The following ARID5B variants were observed in gnomAD, a reference collection of about 807,000 sequenced individuals.
The protein encoded by ARID5B is AT-rich interactive domain-containing protein 5B.
A neutral mutation model predicts 97.2 loss-of-function variants in ARID5B; 13 were observed. The observed-to-expected ratio is 0.13, with a 90% CI of 0.09 to 0.21. The LOEUF (loss-of-function observed/expected upper bound fraction) is 0.21. ARID5B is among the 10% of genes least tolerant of loss of function. The pLI is 1.00. For missense variants in ARID5B, 1,210 were observed against 1,465.3 expected (o/e 0.83, Z 2.84); for synonymous variants, 556 against 570.3 (o/e 0.97, Z 0.36).
At chr10:61,979,765 C>T (rs141341747) in intron 3 of ARID5B, among the ~76,000 whole-genome samples, 10 of 152,228 alleles carry the variant, frequency 6.6e-5, no homozygotes, top group East Asian at 3.9e-4. Context: ...CCTTTTAAAA[C>T]GAGAAGAAAA....
chr10:61,912,377 G>C (rs1336022376), intron 2 of ARID5B, among the ~76,000 whole-genome samples: 1 of 151,256 alleles, frequency 6.6e-6, no homozygotes, highest in African/African-American at 2.5e-5. Flanking sequence ...ATAGTTAATA[G>C]TACTGTATTG....
At chr10:61,988,936 C>CT (rs61016394) in intron 3 of ARID5B, among the ~76,000 whole-genome samples, 48,143 of 121,934 alleles carry the variant, frequency 0.39, 10,530 homozygotes, top group South Asian at 0.56. Context: ...TTTTCTTTTA[C>CT]TTTTTTTTTT....
chr10:61,923,820 T>C (rs924884288), intron 2 of ARID5B, among the ~76,000 whole-genome samples: 2 of 152,344 alleles, frequency 1.3e-5, no homozygotes, highest in Non-Finnish European at 2.9e-5. Context: ...CCATGTCTTA[T>C]CCATCCTTAT....
intron 4 of ARID5B, among the ~76,000 whole-genome samples, chr10:62,019,570 G>A (rs1280981478): frequency 6.6e-6 from 1 of 152,148 alleles, no homozygotes; most frequent in Admixed American, 6.5e-5. Flanking sequence ...TTAGGCCGCC[G>A]GAGATATTAT....
Position 62,092,416 on chromosome 10 carries a change from A to C in ARID5B, c.2953A>C (p.Asn985His), listed in dbSNP as rs775841261. ...SGKPHHVRLE[N>H]FRKMEGMVHP... ...AAAACCTCACCATGTGAGACTGGAG[A>C]ATTTCAGGAAGATGGAAGGCATGGT... Residue 985 changes from asparagine (N) to histidine (H), a missense_variant, in exon 10 of 10, where the codon AAT (asparagine) becomes CAT (histidine). Coordinates refer to ENST00000279873, the MANE Select transcript of ARID5B (RefSeq NM_032199.3). 9.9e-6 allele frequency: 16 copies of C among 1,614,048 alleles called. No homozygotes were observed. The highest frequency in any genetic ancestry group is 4.0e-5 in the African/African-American group (3 of 74,912).
chr10:61,964,117 A>G (rs1838511657), intron 3 of ARID5B, among the ~76,000 whole-genome samples: 1 of 152,178 alleles, frequency 6.6e-6, no homozygotes, highest in African/African-American at 2.4e-5. Flanking sequence ...AACTGTAGGG[A>G]ATAGGCAGGC....
chr10:61,925,525 T>C (rs1844088911), intron 2 of ARID5B, among the ~76,000 whole-genome samples: 1 of 152,166 alleles, frequency 6.6e-6, no homozygotes, highest in African/African-American at 2.4e-5. Flanking sequence ...CTAACACTGA[T>C]ATAAGTAAAG....
intron 2 of ARID5B, among the ~76,000 whole-genome samples, chr10:61,904,141 A>T (rs1843670121): frequency 7.1e-6 from 1 of 141,392 alleles, no homozygotes; most frequent in African/African-American, 2.7e-5. Flanking sequence ...CAAATTTATT[A>T]CTTCAACATG....
Position 62,000,301 on chromosome 10 carries a change from A to G in ARID5B, c.713A>G (p.Glu238Gly). The change falls in exon 4 of 10, where the codon GAG becomes GGG. Residue 238 changes from glutamate (E) to glycine (G), a missense_variant. By Grantham distance (98) the Glu-to-Gly change is moderately conservative. Transcript: ENST00000279873. This position sits in a 1 kb window ranked among gnomAD's most constrained non-coding sequence, Gnocchi z 4.4. ...TFDHPTLIEN[E>G]SICDEFAPNL... is the part of the protein sequence containing the mutation. The stretch of plus-strand genomic sequence containing the variant: ...GACCACCCGACTCTCATAGAAAACG[A>G]GAGTATATGCGATGAGTTTGGTGAG... 2 of 1,610,754 alleles carry G rather than the reference A, an allele frequency of 1.2e-6. No individual in the cohort carries two copies. The highest frequency in any genetic ancestry group is 2.2e-5 in the South Asian group (2 of 90,732).
intron 3 of ARID5B, among the ~76,000 whole-genome samples, chr10:61,996,604 T>C (rs1839000059): frequency 6.6e-6 from 1 of 152,202 alleles, no homozygotes; most frequent in South Asian, 2.1e-4. Context: ...ATAAGGTTGT[T>C]GTGAGGAACA....
intron 3 of ARID5B, among the ~76,000 whole-genome samples, chr10:61,958,255 T>C (rs2132818813): frequency 6.6e-6 from 1 of 152,300 alleles, no homozygotes; most frequent in East Asian, 1.9e-4. Flanking sequence ...TTTTTCTTTC[T>C]TTCTTTCTTT....
intron 4 of ARID5B, among the ~76,000 whole-genome samples, chr10:62,002,959 T>C (rs1447762145): frequency 6.6e-6 from 1 of 152,174 alleles, no homozygotes; most frequent in Non-Finnish European, 1.5e-5. Context: ...GGTGGATGAA[T>C]GGTAGAGCTG....
intron 3 of ARID5B, among the ~76,000 whole-genome samples, chr10:61,986,486 C>T (rs1838848898): frequency 6.6e-6 from 1 of 151,988 alleles, no homozygotes; most frequent in African/African-American, 2.4e-5. Flanking sequence ...TGTTATGTCC[C>T]CAAAATGTGA....
intron 3 of ARID5B, among the ~76,000 whole-genome samples, chr10:61,986,320 C>T (rs1382103665): frequency 1.3e-5 from 2 of 152,146 alleles, no homozygotes; most frequent in Admixed American, 1.3e-4. Context: ...AATCTAAGCA[C>T]ATGAAAGGGC....
At chr10:61,913,192 C>T (rs890964691) in intron 2 of ARID5B, among the ~76,000 whole-genome samples, 1 of 152,142 alleles carries the variant, frequency 6.6e-6, no homozygotes, top group Non-Finnish European at 1.5e-5. Context: ...TCTCAGAGAC[C>T]TTTTCCTGGC....
chr10:61,973,886 G>T (rs1465819232), intron 3 of ARID5B, among the ~76,000 whole-genome samples: 1 of 152,152 alleles, frequency 6.6e-6, no homozygotes, highest in African/African-American at 2.4e-5. Flanking sequence ...TGCAGTGCGG[G>T]TTTATTGTAT....
chr10:62,029,315 G>A (rs1200108675), intron 4 of ARID5B, among the ~76,000 whole-genome samples: 1 of 152,158 alleles, frequency 6.6e-6, no homozygotes, highest in East Asian at 1.9e-4. Context: ...CTTGGAAGTT[G>A]AGAATTATAT....
intron 3 of ARID5B, among the ~76,000 whole-genome samples, chr10:61,969,842 G>C (rs1838601088): frequency 2.0e-5 from 3 of 151,864 alleles, no homozygotes; most frequent in African/African-American, 7.3e-5. Context: ...TTTGTTTTTT[G>C]CCCTAAGAGT....
At chr10:61,960,574 G>T (rs566480566) in intron 3 of ARID5B, among the ~76,000 whole-genome samples, 3 of 151,816 alleles carry the variant, frequency 2.0e-5, no homozygotes, top group African/African-American at 7.2e-5. Flanking sequence ...TTTTAAGTAG[G>T]GAGTTCTGCA....
Sources: allele counts gnomAD v4.1 joint callset (sites outside exome capture counted in the v4.1 genomes callset), GRCh38; gene constraint gnomAD v4.1.1; non-coding constraint Gnocchi (gnomAD v3.1); transcripts MANE v1.5; gene names NCBI Gene and HGNC (gene_info 2026-07-23, HGNC 2026-07-21).